NRG3: variants seen among roughly 807,000 people sequenced by gnomAD.
NRG3 encodes the protein pro-neuregulin-3, membrane-bound isoform.
NRG3 carries 31 observed loss-of-function variants against 66.9 expected under a neutral mutation model. That is an observed-to-expected ratio of 0.46 (90% confidence interval 0.35 to 0.63). NRG3 has a LOEUF of 0.63. Among genes scored for constraint, NRG3 ranks in the 20% least tolerant of loss-of-function variants. NRG3 has a pLI of 0.00. For missense variants in NRG3, 910 were observed against 878.9 expected, an observed-to-expected ratio of 1.04 and a Z score of -0.45; for synonymous variants, 393 against 359.4, an observed-to-expected ratio of 1.09 and a Z score of -1.06.
chr10:82,138,293 C>CA (rs1564600121), intron 1 of NRG3, among the ~76,000 whole-genome samples: 1 of 151,992 alleles, frequency 6.6e-6, no homozygotes. Flanking sequence ...TAGAAAAGTA[C>CA]AAAATGCCCA....
At chr10:82,932,795 G>A (rs572346545) in intron 4 of NRG3, among the ~76,000 whole-genome samples, 49 of 152,294 alleles carry the variant, frequency 3.2e-4, no homozygotes, top group African/African-American at 1.1e-3. Context: ...AAGGTCACTC[G>A]TCAGAGACCT....
chr10:82,190,441 T>A (rs917357271), intron 1 of NRG3, among the ~76,000 whole-genome samples: 1 of 152,232 alleles, frequency 6.6e-6, no homozygotes, highest in Non-Finnish European at 1.5e-5. Context: ...TGTTTTAACA[T>A]ATGCAAAGTT....
chr10:82,582,477 T>C (rs2046413444), intron 2 of NRG3, among the ~76,000 whole-genome samples: 1 of 152,164 alleles, frequency 6.6e-6, no homozygotes, highest in Admixed American at 6.6e-5. Flanking sequence ...CTTTAAGTCT[T>C]CTCAGTTAGA....
chr10:82,070,206 T>A (rs747334768), intron 1 of NRG3, among the ~76,000 whole-genome samples: 5 of 152,110 alleles, frequency 3.3e-5, no homozygotes, highest in Non-Finnish European at 5.9e-5. Flanking sequence ...CTGTCTCCCC[T>A]CCTAGCTGTT....
chr10:82,630,430 GA>G lies in NRG3; in HGVS notation c.954-108145del, dbSNP rs758864138. ...CCTGGATCATAAGGAAAAGTAGAAA[GA>G]AGATAAGTCAGTTCTAGTCCTAGCA... On this transcript the variant is annotated intron_variant, in intron 2 of 8. Transcript: ENST00000372141. Among the ~76,000 whole-genome samples the G allele has an allele frequency of 1.0e-4, 15 of 147,356 alleles. No individual in the cohort carries two copies. The East Asian group carries it at 1.4e-3, about 14-fold the overall frequency.
chr10:82,884,281 T>C (rs984460882), intron 4 of NRG3, among the ~76,000 whole-genome samples: 1 of 152,150 alleles, frequency 6.6e-6, no homozygotes, highest in Non-Finnish European at 1.5e-5. Flanking sequence ...TCTACTTATA[T>C]ATTTATGATG....
At chr10:82,674,213 CAA>C (rs2053504101) in intron 2 of NRG3, among the ~76,000 whole-genome samples, 1 of 152,062 alleles carries the variant, frequency 6.6e-6, no homozygotes, top group Admixed American at 6.6e-5. Flanking sequence ...AATAAAGAGA[CAA>C]GAGAACTCAA....
Position 82,066,977 on chromosome 10 carries a change from G to T in NRG3, c.823+190814G>T, listed in dbSNP as rs138097736. Among the ~76,000 whole-genome samples the T allele has an allele frequency of 3.0e-3, 455 of 151,552 alleles. 4 individuals are homozygous for T. The highest frequency in any genetic ancestry group is 9.6e-3 in the African/African-American group (398 of 41,272). ...AAGTAACTTGAGTAACTCCTCCCAA[G>T]AATGCCCTTCTACTTTTAGCTATTA... On this transcript the variant is annotated intron_variant, in intron 1 of 8. Coordinates refer to ENST00000372141, the MANE Select transcript of NRG3 (RefSeq NM_001010848.4).
intron 2 of NRG3, among the ~76,000 whole-genome samples, chr10:82,698,735 C>T (rs1052388688): frequency 4.6e-5 from 7 of 151,964 alleles, no homozygotes; most frequent in Admixed American, 4.6e-4. Context: ...GCCCACAGAG[C>T]GGTTGTGAGG....
intron 1 of NRG3, among the ~76,000 whole-genome samples, chr10:81,973,039 A>G (rs2059987808): frequency 6.6e-6 from 1 of 152,046 alleles, no homozygotes; most frequent in Non-Finnish European, 1.5e-5. Flanking sequence ...CGTAGTACCC[A>G]TTAGTTGTTT....
chr10:82,920,954 G>T (rs1211863106), intron 4 of NRG3, among the ~76,000 whole-genome samples: 1 of 151,868 alleles, frequency 6.6e-6, no homozygotes, highest in Non-Finnish European at 1.5e-5. Context: ...AATTTATTTT[G>T]CTACTCCATC....
intron 1 of NRG3, among the ~76,000 whole-genome samples, chr10:82,165,838 C>G (rs1333104757): frequency 6.6e-6 from 1 of 151,710 alleles, no homozygotes; most frequent in East Asian, 1.9e-4. Flanking sequence ...AAAAAATTCT[C>G]AATATTCCAA....
At chr10:82,752,002 A>G (rs985224763) in intron 3 of NRG3, among the ~76,000 whole-genome samples, 10 of 152,106 alleles carry the variant, frequency 6.6e-5, no homozygotes, top group Non-Finnish European at 1.3e-4. Context: ...TCATGCTTCC[A>G]TTACATCAGG....
At chr10:82,382,788 A>G (rs2135870576) in intron 2 of NRG3, among the ~76,000 whole-genome samples, 1 of 152,134 alleles carries the variant, frequency 6.6e-6, no homozygotes, top group South Asian at 2.1e-4. Flanking sequence ...AAATTTCTGC[A>G]TAGTCCTTTT....
intron 2 of NRG3, among the ~76,000 whole-genome samples, chr10:82,441,918 A>C (rs1016874010): frequency 2.0e-5 from 3 of 152,174 alleles, no homozygotes; most frequent in Non-Finnish European, 2.9e-5. Context: ...CTTGTCCCTT[A>C]CAATTTTACT....
chr10:82,131,044 T>G (rs1447415951), intron 1 of NRG3, among the ~76,000 whole-genome samples: 2 of 152,210 alleles, frequency 1.3e-5, no homozygotes, highest in Non-Finnish European at 2.9e-5. Context: ...CTTTTTAATT[T>G]GATGTGATCT....
chr10:82,938,737 T>C (rs1324446802), intron 4 of NRG3, among the ~76,000 whole-genome samples: 1 of 152,232 alleles, frequency 6.6e-6, no homozygotes, highest in African/African-American at 2.4e-5. Context: ...GAATCCCTAC[T>C]CCATCTAAAT....
intron 1 of NRG3, among the ~76,000 whole-genome samples, chr10:81,878,935 A>G (rs1841931430): frequency 6.6e-6 from 1 of 152,178 alleles, no homozygotes; most frequent in East Asian, 1.9e-4. Context: ...CTGACAATGA[A>G]CATGCTTGCT....
intron 1 of NRG3, among the ~76,000 whole-genome samples, chr10:82,291,608 G>C (rs1441157139): frequency 6.6e-6 from 1 of 152,188 alleles, no homozygotes; most frequent in Non-Finnish European, 1.5e-5. Flanking sequence ...CAGCGAGAGA[G>C]ACACAAATCA....
Sources: gnomAD v4.1 joint callset for allele counts (sites outside exome capture counted in the v4.1 genomes callset) on GRCh38, gnomAD v4.1.1 for gene constraint, MANE v1.5 for transcripts, NCBI Gene and HGNC (gene_info 2026-07-23, HGNC 2026-07-21) for gene names.